Variants in IQCJ observed in about 807,000 individuals in gnomAD.
IQCJ encodes IQ domain-containing protein J.
IQCJ carries 9 observed loss-of-function variants against 11.0 expected under a neutral mutation model. The observed-to-expected ratio is 0.82, with a 90% CI of 0.49 to 1.43. The LOEUF (loss-of-function observed/expected upper bound fraction) is 1.43. IQCJ is among the 40% of genes most tolerant of loss of function. The pLI is 0.00. For synonymous variants in IQCJ, 55 were observed against 51.3 expected (o/e 1.07, Z -0.31); for missense variants, 146 against 133.2 (o/e 1.10, Z -0.47).
chr3:159,189,098 G>C (rs1178627198), intron 1 of IQCJ, among the ~76,000 whole-genome samples: 1 of 152,006 alleles, frequency 6.6e-6, no homozygotes, highest in Non-Finnish European at 1.5e-5. Flanking sequence ...CCACATTATG[G>C]GGCAGAACTT....
chr3:159,148,177 C>T (rs1721018103), intron 1 of IQCJ, among the ~76,000 whole-genome samples: 1 of 152,144 alleles, frequency 6.6e-6, no homozygotes, highest in Non-Finnish European at 1.5e-5. Flanking sequence ...TTTTTGTTTC[C>T]TATGGATTCT....
chr3:159,126,577 G>C (rs1425917867), intron 1 of IQCJ, among the ~76,000 whole-genome samples: 1 of 152,166 alleles, frequency 6.6e-6, no homozygotes, highest in African/African-American at 2.4e-5. Context: ...GGACAGGGTA[G>C]GTTCTGAATA....
At chr3:159,096,437 G>C (rs1355728583) in intron 1 of IQCJ, among the ~76,000 whole-genome samples, 2,055 of 139,490 alleles carry the variant, frequency 0.015, 56 homozygotes, top group African/African-American at 0.055. Flanking sequence ...TGAAGTCCTT[G>C]CCCACGCCTA....
At chr3:159,178,460 C>A (rs1161377684) in intron 1 of IQCJ, among the ~76,000 whole-genome samples, 2 of 152,174 alleles carry the variant, frequency 1.3e-5, no homozygotes, top group Non-Finnish European at 2.9e-5. Flanking sequence ...GATGGGAATA[C>A]AGTGGGAGTC....
chr3:159,129,463 A>G (rs546640786), intron 1 of IQCJ, among the ~76,000 whole-genome samples: 9 of 152,252 alleles, frequency 5.9e-5, no homozygotes, highest in African/African-American at 2.2e-4. Flanking sequence ...GCACAAGTTG[A>G]CTAGAGGTGG....
In IQCJ at chr3:159,263,637, G is replaced by C. The variant is rs1259008392; in HGVS notation, c.*906G>C. Reference sequence around the variant, plus strand: ...TACTTTTGGTTATCATGTTTATTCTGTGGTAAAAAGGTTTCCCAACACTCA... The same window carrying C: ...TACTTTTGGTTATCATGTTTATTCTCTGGTAAAAAGGTTTCCCAACACTCA... On this transcript the variant is annotated 3_prime_UTR_variant, in exon 4 of 4. Coordinates refer to ENST00000397832, the MANE Select transcript of IQCJ (RefSeq NM_001042706.3). 1 of 985,122 alleles carries C rather than the reference G, an allele frequency of 1.0e-6. No homozygotes were observed. Among genetic ancestry groups the C allele is most frequent in the Admixed American group, 6.2e-5 (1 of 16,252 alleles). 61.0% of individuals were successfully genotyped at this position (985,122 alleles called of 1,614,324 possible). A position where few individuals can be genotyped will look rare whatever the true frequency, so the allele number is the denominator to read the frequency against.
At chr3:159,073,781 G>T (rs771683814) in intron 1 of IQCJ, among the ~76,000 whole-genome samples, 35 of 152,012 alleles carry the variant, frequency 2.3e-4, no homozygotes, top group Non-Finnish European at 7.4e-5. Flanking sequence ...GAATTCCAAG[G>T]TTCTTTCTGT....
chr3:159,093,763 CCTT>C (rs1414480964), intron 1 of IQCJ, among the ~76,000 whole-genome samples: 2 of 151,838 alleles, frequency 1.3e-5, no homozygotes, highest in African/African-American at 4.9e-5. Context: ...GCAAACACAT[CCTT>C]CTTCACATGG....
chr3:159,167,978 G>A (rs1484405009), intron 1 of IQCJ, among the ~76,000 whole-genome samples: 1 of 152,170 alleles, frequency 6.6e-6, no homozygotes, highest in Admixed American at 6.5e-5. Context: ...AGGCAGGGAA[G>A]GTAAGGAAGA....
intron 1 of IQCJ, among the ~76,000 whole-genome samples, chr3:159,148,202 A>C (rs190231963): frequency 2.2e-4 from 33 of 152,320 alleles, no homozygotes; most frequent in Admixed American, 2.0e-3. Flanking sequence ...CTCTTTAACT[A>C]ATCGTGTTTT....
chr3:159,231,154 C>A (rs1415940299), intron 1 of IQCJ, among the ~76,000 whole-genome samples: 5 of 152,182 alleles, frequency 3.3e-5, no homozygotes, highest in Non-Finnish European at 2.9e-5. Context: ...CTGCTCCCAA[C>A]ATTTAGGCTA....
intron 1 of IQCJ, among the ~76,000 whole-genome samples, chr3:159,086,278 G>C (rs373355117): frequency 5.3e-5 from 8 of 152,192 alleles, no homozygotes; most frequent in South Asian, 2.1e-4. Context: ...TGATCTATAT[G>C]TCTGTTTTGG....
At chr3:159,190,370 T>G (rs1409240935) in intron 1 of IQCJ, among the ~76,000 whole-genome samples, 2 of 152,228 alleles carry the variant, frequency 1.3e-5, no homozygotes, top group African/African-American at 4.8e-5. Context: ...CAGGGCATGT[T>G]TAAAGCTCTG....
chr3:159,221,164 G>A (rs2108118426), intron 1 of IQCJ, among the ~76,000 whole-genome samples: 1 of 152,152 alleles, frequency 6.6e-6, no homozygotes, highest in South Asian at 2.1e-4. Flanking sequence ...TATGATTATG[G>A]AGTTAGAAAA....
chr3:159,243,209 T>G (rs1205727899), intron 1 of IQCJ, among the ~76,000 whole-genome samples: 1 of 152,166 alleles, frequency 6.6e-6, no homozygotes, highest in Non-Finnish European at 1.5e-5. Context: ...AAACATGTAT[T>G]TACCTCATGA....
chr3:159,115,014 A>G (rs1252228381), intron 1 of IQCJ, among the ~76,000 whole-genome samples: 1 of 152,186 alleles, frequency 6.6e-6, no homozygotes, highest in Non-Finnish European at 1.5e-5. Context: ...GTAGTACTTC[A>G]ACATTTTCCA....
At chr3:159,169,244 A>C (rs191652138) in intron 1 of IQCJ, among the ~76,000 whole-genome samples, 1 of 119,130 alleles carries the variant, frequency 8.4e-6, no homozygotes, top group Non-Finnish European at 1.8e-5. Context: ...TACAAAGCCT[A>C]TGTTCTTTTT....
chr3:159,248,266 A>G (rs1286256421), intron 2 of IQCJ, among the ~76,000 whole-genome samples: 2 of 152,198 alleles, frequency 1.3e-5, no homozygotes, highest in Non-Finnish European at 2.9e-5. Context: ...GGGCAAGACA[A>G]TCTCAAAGGT....
At chr3:159,238,242 T>A (rs1447550686) in intron 1 of IQCJ, among the ~76,000 whole-genome samples, 1 of 152,188 alleles carries the variant, frequency 6.6e-6, no homozygotes, top group Non-Finnish European at 1.5e-5. Flanking sequence ...ATATTCAACT[T>A]CTTTCTTCTG....
Sources: allele counts gnomAD v4.1 joint callset (sites outside exome capture counted in the v4.1 genomes callset), GRCh38; gene constraint gnomAD v4.1.1; transcripts MANE v1.5; gene names NCBI Gene and HGNC (gene_info 2026-07-23, HGNC 2026-07-21).